DNHD1: variants seen among roughly 807,000 people sequenced by gnomAD.
DNHD1 encodes the protein dynein heavy chain domain-containing protein 1.
Under a neutral mutation model 458.1 loss-of-function variants are expected in DNHD1, and 383 were observed. That is an observed-to-expected ratio of 0.84 (90% CI 0.77 to 0.91). The LOEUF is 0.91. Among genes scored for constraint, DNHD1 ranks in the 40% least tolerant of loss-of-function variants. DNHD1 has a pLI of 0.00. For missense variants in DNHD1, 5,336 were observed against 5,866.1 expected (o/e 0.91, Z 2.95); for synonymous variants, 2,203 against 2,376.9 (o/e 0.93, Z 2.13).
rs1449701762 is a variant in DNHD1, at chr11:6,563,804, C to T, written c.9964C>T (p.Pro3322Ser). 6.4e-7 allele frequency: 1 copy of T among 1,551,554 alleles called. No homozygotes were observed. The highest frequency in any genetic ancestry group is 8.7e-7 in the Non-Finnish European group (1 of 1,147,002). ...TGCAGCCCTGCGGGCAGTGAGCCGACCTGCAGCCAGCCTGGCAGCCTGGCT... is the reference window on the plus strand; with the variant it reads ...TGCAGCCCTGCGGGCAGTGAGCCGATCTGCAGCCAGCCTGGCAGCCTGGCT... ...DDAALRAVSR[P>S]AASLAAWLWA... The change falls in exon 31 of 43, where the codon CCT becomes TCT. Residue 3322 changes from proline (P) to serine (S), a missense_variant. By Grantham distance (74) the Pro-to-Ser change is moderately conservative. Coordinates refer to ENST00000254579, the MANE Select transcript of DNHD1 (RefSeq NM_144666.3).
In DNHD1 at chr11:6,563,555, T is replaced by C. The variant is rs779297610; in HGVS notation, c.9843T>C (p.Asp3281=). Residue 3281 remains aspartate (D), a synonymous_variant, in exon 30 of 43, where the codon GAT becomes GAC. Coordinates refer to ENST00000254579, the MANE Select transcript of DNHD1 (RefSeq NM_144666.3). ...ASAKQLLCTE[D]FYQELVFFPK... ...CCAAACAGCTGTTATGCACTGAGGA[T>C]TTTTATCAGGTAGGAAGGGTGGAGC... The C allele has an allele frequency of 7.9e-5, 122 of 1,551,404 alleles. No homozygotes were observed. The highest frequency in any genetic ancestry group is 9.7e-5 in the Non-Finnish European group (111 of 1,146,972).
At chr11:6,570,569 G>C (rs1397530062) in intron 41 of DNHD1, 49 bp from the exon 42 acceptor site, 7 of 1,527,624 alleles carry the variant, frequency 4.6e-6, no homozygotes, top group Non-Finnish European at 6.2e-6. Flanking sequence ...CTCGAGTCTA[G>C]GGTGGGGAGA....
chr11:6,517,652 CTTTTTT>C (rs59300977), intron 7 of DNHD1, among the ~76,000 whole-genome samples: 44 of 59,060 alleles, frequency 7.5e-4, no homozygotes, highest in African/African-American at 2.3e-3. Flanking sequence ...TCTAGGACTT[CTTTTTT>C]TTTTTTTTTT....
chr11:6,525,267 A>T (rs771846316), intron 10 of DNHD1, among the ~76,000 whole-genome samples: 2 of 152,190 alleles, frequency 1.3e-5, no homozygotes, highest in Non-Finnish European at 2.9e-5. Flanking sequence ...ACATCTCACC[A>T]TCAAAATCTG....
chr11:6,570,943 A>G lies in DNHD1; in HGVS notation c.13431A>G (p.Ala4477=). ...DAPWSVLGPN[A]RRPLEGVLET... ...CGTGGTCAGTGCTGGGGCCAAATGC[A>G]CGGCGGCCTCTGGAGGGCGTCTTAG... Residue 4477 remains alanine (A), a synonymous_variant, in exon 42 of 43, where the codon GCA becomes GCG. Coordinates refer to ENST00000254579, the MANE Select transcript of DNHD1 (RefSeq NM_144666.3). The G allele has an allele frequency of 1.2e-6, 2 of 1,608,622 alleles. No homozygotes were observed. Among genetic ancestry groups the G allele is most frequent in the South Asian group, 1.1e-5 (1 of 91,002 alleles).
chr11:6,534,248 G>T, intron 14 of DNHD1, 75 bp downstream of exon 14: 1 of 1,451,204 alleles, frequency 6.9e-7, no homozygotes, highest in South Asian at 1.4e-5. Context: ...TGGAACTCAG[G>T]GTTCTGTGTC....
chr11:6,568,047 G>T lies in DNHD1; in HGVS notation c.12352-9G>T, dbSNP rs1427215733. 2 of 1,549,536 alleles carry T rather than the reference G, an allele frequency of 1.3e-6. No homozygotes were observed. The highest frequency in any genetic ancestry group is 1.4e-5 in the African/African-American group (1 of 72,930). On this transcript the variant is annotated splice_polypyrimidine_tract_variant and intron_variant, in intron 36 of 42. Transcript: ENST00000254579. ...TGAGTCATGCTGCCATCTCTTTTTT[G>T]GTCCCCAGGGGCAGAAGCAACTGCA... is the stretch of plus-strand genomic sequence containing the variant.
At position 6,571,484 on chromosome 11, in the gene DNHD1, C is replaced by G; in HGVS notation, c.13911+61C>G. ...CCCCTCGAAGTCTCTAATTACACCT[C>G]GCAGTTACCCCTTCTTGGTGATCTT... On this transcript the variant is annotated intron_variant, in intron 42 of 42. Transcript: ENST00000254579. This position sits in a 1 kb window ranked among gnomAD's most constrained non-coding sequence, Gnocchi z 5.0. The G allele has an allele frequency of 3.4e-6, 5 of 1,484,112 alleles. No homozygotes were observed. Among genetic ancestry groups the G allele is most frequent in the Non-Finnish European group, 4.5e-6 (5 of 1,110,774 alleles). The allele number at this position is 1,484,112 out of a possible 1,614,324, so 91.9% of individuals were successfully genotyped here. A position where few individuals can be genotyped will look rare whatever the true frequency, so the allele number is the denominator to read the frequency against.
At chr11:6,531,631 A>T (rs1005631482) in intron 12 of DNHD1, among the ~76,000 whole-genome samples, 1 of 152,176 alleles carries the variant, frequency 6.6e-6, no homozygotes. Flanking sequence ...TTAGATCTTC[A>T]TGTTCTGTTT....
rs1340552439 is a variant in DNHD1 at position 6,544,941 on chromosome 11, A to G, written c.4002A>G (p.Gly1334=). ...AGCTGCAACAACTGCTGCAAGCAGGATCGGTGGAGCTGGAGGGCATCATCA... is the reference window on the plus strand; with the variant it reads ...AGCTGCAACAACTGCTGCAAGCAGGGTCGGTGGAGCTGGAGGGCATCATCA... ...GQQLQQLLQA[G]SVELEGIIMS... The change falls in exon 21 of 43, where the codon GGA becomes GGG. Residue 1334 remains glycine (G), a synonymous_variant. Transcript: ENST00000254579. 1.3e-6 allele frequency: 2 copies of G among 1,551,568 alleles called. No individual in the cohort carries two copies. Among genetic ancestry groups the G allele is most frequent in the African/African-American group, 2.7e-5 (2 of 73,028 alleles).
At chr11:6,560,415 T>C (rs1441037031) in intron 28 of DNHD1, among the ~76,000 whole-genome samples, 2 of 152,176 alleles carry the variant, frequency 1.3e-5, no homozygotes, top group South Asian at 2.1e-4. Flanking sequence ...GCCCTCCTAC[T>C]ATTCACCACC....
At chr11:6,504,489 G>T (rs1236466207) in intron 4 of DNHD1, among the ~76,000 whole-genome samples, 1 of 152,152 alleles carries the variant, frequency 6.6e-6, no homozygotes, top group Non-Finnish European at 1.5e-5. Flanking sequence ...CACTCTTGTT[G>T]TCCAGGCTGG....
chr11:6,519,484 A>G (rs1852559010), intron 7 of DNHD1, 116 bp from the exon 8 acceptor site: 1 of 1,145,752 alleles, frequency 8.7e-7, no homozygotes, highest in South Asian at 1.5e-5. Flanking sequence ...AGCCCTCCAT[A>G]TGTATATCTA....
intron 18 of DNHD1, 44 bp downstream of exon 18, chr11:6,540,127 G>A: frequency 6.6e-7 from 1 of 1,520,480 alleles, no homozygotes; most frequent in Non-Finnish European, 8.9e-7. Flanking sequence ...CCCTGCTGGG[G>A]GCCATTTTCA....
chr11:6,557,253 G>A lies in DNHD1; in HGVS notation c.7958G>A (p.Arg2653Lys). 6.4e-7 allele frequency: 1 copy of A among 1,551,600 alleles called. No homozygotes were observed. Among genetic ancestry groups the A allele is most frequent in the South Asian group, 1.2e-5 (1 of 84,062 alleles). ...VVRLWLHEAQRTFCDRLDSPR... is the reference protein window; with the variant it reads ...VVRLWLHEAQKTFCDRLDSPR... ...CGTCTTTGGTTGCATGAGGCACAGAGAACCTTTTGCGACCGGCTGGACAGC... is the reference window on the plus strand; with the variant it reads ...CGTCTTTGGTTGCATGAGGCACAGAAAACCTTTTGCGACCGGCTGGACAGC... The change falls in exon 25 of 43, where the codon AGA becomes AAA. Residue 2653 changes from arginine to lysine, a missense_variant. Transcript: ENST00000254579.
Position 6,539,884 on chromosome 11 carries a change from G to C in DNHD1, c.3429G>C (p.Gln1143His). Reference sequence around the variant, plus strand: ...AGACCCAGCTGTTCCAGGTCTGGCAGAATGAAAATGAACGAATTCATGCCC... The same window carrying C: ...AGACCCAGCTGTTCCAGGTCTGGCACAATGAAAATGAACGAATTCATGCCC... The part of the protein sequence containing the change: ...EFADRINQVW[Q>H]NENERIHAQE... Residue 1143 changes from glutamine (Q) to histidine (H), a missense_variant, in exon 18 of 43, where the codon CAG (glutamine) becomes CAC (histidine). Around this residue, in one of 4 missense-constraint regions of DNHD1, gnomAD observed 3,932 missense variants for 4,365.6 expected, o/e 0.90. Transcript: ENST00000254579. The C allele has an allele frequency of 6.4e-7, 1 of 1,551,742 alleles. No homozygotes were observed. Among genetic ancestry groups the C allele is most frequent in the Non-Finnish European group, 8.7e-7 (1 of 1,147,004 alleles).
rs777288906 is a variant in DNHD1 at position 6,566,699 on chromosome 11, C to T, written c.11319C>T (p.Leu3773=). The T allele has an allele frequency of 4.3e-6, 7 of 1,612,464 alleles. No homozygotes were observed. The highest frequency in any genetic ancestry group is 5.1e-6 in the Non-Finnish European group (6 of 1,179,292). The change falls in exon 35 of 43, where the codon CTC becomes CTT. Residue 3773 remains leucine, a synonymous_variant. Transcript: ENST00000254579. The part of the protein sequence containing the change: ...HEILCREYPE[L]ETRWQDLKIR... The stretch of plus-strand genomic sequence containing the variant: ...TCTTGTGCAGAGAGTATCCTGAACT[C>T]GAGACCCGCTGGCAGGACCTAAAGA...
intron 10 of DNHD1, among the ~76,000 whole-genome samples, chr11:6,525,263 C>T (rs2134402548): frequency 6.6e-6 from 1 of 152,326 alleles, no homozygotes; most frequent in African/African-American, 2.4e-5. Flanking sequence ...TTTTACATCT[C>T]ACCATCAAAA....
chr11:6,571,090 C>CGA lies in DNHD1; in HGVS notation c.13579_13580insAG (p.Ala4527GlufsTer104), dbSNP rs752867619. The CGA allele has an allele frequency of 1.3e-6, 2 of 1,590,964 alleles. No individual in the cohort carries two copies. Among genetic ancestry groups the CGA allele is most frequent in the Non-Finnish European group, 1.7e-6 (2 of 1,168,724 alleles). On this transcript the variant is annotated frameshift_variant, in exon 42 of 43. Transcript: ENST00000254579. LOFTEE classifies it high-confidence loss of function. The surrounding 1 kb of genome is among the most constrained non-coding windows in gnomAD (Gnocchi z 5.0). Reference sequence around the variant, plus strand: ...CCCGCCGCTGTGCTGCGGTGGCCCACGCTCTCTGGACTGGCCGCCTACCCT... The same window carrying CGA: ...CCCGCCGCTGTGCTGCGGTGGCCCACGAGCTCTCTGGACTGGCCGCCTACCCT...
Sources: gnomAD v4.1 joint callset for allele counts (sites outside exome capture counted in the v4.1 genomes callset) on GRCh38, gnomAD v4.1.1 for gene constraint, gnomAD v4.1.1 regional missense constraint, Gnocchi (gnomAD v3.1) non-coding constraint, MANE v1.5 for transcripts, NCBI Gene and HGNC (gene_info 2026-07-23, HGNC 2026-07-21) for gene names.